The following CCDC57 variants were observed in gnomAD, a reference collection of about 807,000 sequenced individuals.
The protein encoded by CCDC57 is coiled-coil domain-containing protein 57.
A neutral mutation model predicts 118.9 loss-of-function variants in CCDC57; 118 were observed. That is an observed-to-expected ratio of 0.99 (90% CI 0.86 to 1.16). The LOEUF is 1.16. CCDC57 is among the 50% of genes most tolerant of loss of function. The probability of loss-of-function intolerance (pLI) is 0.00; values close to 1 mark genes in which losing one functional copy is unlikely to be tolerated. For missense variants in CCDC57, 1,300 were observed against 1,320.7 expected (o/e 0.98, Z 0.24); for synonymous variants, 527 against 532.9 (o/e 0.99, Z 0.15).
At position 82,152,102 on chromosome 17, in the gene CCDC57, C is replaced by T. The variant is rs187679012; in HGVS notation, c.2242-329G>A. 7.8e-3 allele frequency: 2,589 copies of T among 330,256 alleles called. 19 individuals are homozygous for T. The highest frequency in any genetic ancestry group is 0.012 in the South Asian group (385 of 31,846). 20.5% of individuals were successfully genotyped at this position (330,256 alleles called of 1,614,324 possible). ...TGCCTTTGTGTCTTTCAAGTGAACA[C>T]AAGGAGAATCTGAGGACACCCAACC... On this transcript the variant is annotated intron_variant, in intron 15 of 19. Transcript: ENST00000665763.
intron 1 of CCDC57, among the ~76,000 whole-genome samples, chr17:82,210,617 T>G: frequency 6.8e-6 from 1 of 148,144 alleles, no homozygotes; most frequent in Non-Finnish European, 1.5e-5. Context: ...GAGGCAGAGG[T>G]TGCAGTGAGC....
intron 16 of CCDC57, among the ~76,000 whole-genome samples, chr17:82,138,908 G>C (rs1174243767): frequency 6.6e-6 from 1 of 152,214 alleles, no homozygotes; most frequent in Non-Finnish European, 1.5e-5. Context: ...CGTTAACTTA[G>C]GTGTCACCTT....
intron 4 of CCDC57, among the ~76,000 whole-genome samples, chr17:82,195,866 A>G (rs1474478412): frequency 2.0e-5 from 3 of 152,144 alleles, no homozygotes; most frequent in African/African-American, 7.2e-5. Context: ...CCAGAACCAC[A>G]CCGGATGTGT....
Position 82,192,327 on chromosome 17 carries a change from A to G in CCDC57, c.851+1429T>C, listed in dbSNP as rs185542892. ...AGAATCAGCATAGGATACACACAACATGCCCAATGTGTGTTAATGAACTGT... is the reference window on the plus strand; with the variant it reads ...AGAATCAGCATAGGATACACACAACGTGCCCAATGTGTGTTAATGAACTGT... On this transcript the variant is annotated intron_variant, in intron 7 of 19. Transcript: ENST00000665763. This position sits in a 1 kb window ranked among gnomAD's most constrained non-coding sequence, Gnocchi z 4.0. 2.9e-4 allele frequency among the ~76,000 whole-genome samples: 44 copies of G among 152,334 alleles called. No homozygotes were observed. In the East Asian group the frequency reaches 6.6e-3, roughly 23 times the overall value.
intron 16 of CCDC57, among the ~76,000 whole-genome samples, chr17:82,140,972 TTTTA>T (rs147209814): frequency 0.44 from 66,822 of 151,180 alleles, 15,709 homozygotes; most frequent in East Asian, 0.88. Context: ...AGCAAGAGGC[TTTTA>T]TTTATTTTAT....
At chr17:82,146,268 G>A (rs116937394) in intron 16 of CCDC57, among the ~76,000 whole-genome samples, 2,154 of 152,302 alleles carry the variant, frequency 0.014, 28 homozygotes, top group Middle Eastern at 0.037. Context: ...CTTAATGATT[G>A]CAGCCACATC....
At chr17:82,202,917 G>A (rs1396624300) in intron 2 of CCDC57, among the ~76,000 whole-genome samples, 1 of 152,172 alleles carries the variant, frequency 6.6e-6, no homozygotes, top group East Asian at 1.9e-4. Flanking sequence ...AAGTGGCTAC[G>A]TGAGGACTGA....
At chr17:82,201,620 C>T in exon 3 of CCDC57, 2 of 1,613,776 alleles carry the variant, frequency 1.2e-6, no homozygotes, top group Non-Finnish European at 8.5e-7. Flanking sequence ...TTCCTGGCCT[C>T]TCTGGCTAGC....
chr17:82,170,578 C>T (rs929696790), intron 13 of CCDC57, among the ~76,000 whole-genome samples: 1 of 150,564 alleles, frequency 6.6e-6, no homozygotes, highest in Admixed American at 6.6e-5. Flanking sequence ...CACGTGAGCA[C>T]GCAGGGGGAG....
At chr17:82,111,590 G>A (rs564841897) in intron 19 of CCDC57, among the ~76,000 whole-genome samples, 2 of 151,864 alleles carry the variant, frequency 1.3e-5, no homozygotes, top group South Asian at 4.2e-4. Context: ...AATAAAGTTA[G>A]GTTATATGTT....
chr17:82,145,036 T>A (rs2040523252), intron 16 of CCDC57, among the ~76,000 whole-genome samples: 1 of 148,974 alleles, frequency 6.7e-6, no homozygotes, highest in Non-Finnish European at 1.5e-5. Context: ...CTTTTTTTTT[T>A]TTTTGAGACA....
chr17:82,164,412 G>A (rs750872468), intron 13 of CCDC57, among the ~76,000 whole-genome samples: 2 of 151,724 alleles, frequency 1.3e-5, no homozygotes, highest in African/African-American at 2.4e-5. Context: ...ACAAAAAAAC[G>A]CCAAATAAAG....
intron 19 of CCDC57, chr17:82,107,511 A>C (rs1451146993): frequency 2.1e-6 from 1 of 470,826 alleles, no homozygotes; most frequent in Non-Finnish European, 4.4e-6. Context: ...GACCCCCGCC[A>C]GAAAGGAGGA....
intron 14 of CCDC57, among the ~76,000 whole-genome samples, chr17:82,158,687 C>CAA (rs373874358): frequency 1.8e-5 from 2 of 110,770 alleles, no homozygotes. Context: ...GACTCCATTT[C>CAA]AAAAAAAAAA....
At chr17:82,175,024 C>T (rs752810086) in intron 11 of CCDC57, among the ~76,000 whole-genome samples, 1 of 152,158 alleles carries the variant, frequency 6.6e-6, no homozygotes, top group Non-Finnish European at 1.5e-5. Flanking sequence ...ACCGCAGTGC[C>T]GTGATCACAA....
At chr17:82,158,826 G>T (rs1029992864) in intron 14 of CCDC57, among the ~76,000 whole-genome samples, 1 of 151,774 alleles carries the variant, frequency 6.6e-6, no homozygotes, top group Non-Finnish European at 1.5e-5. Flanking sequence ...CCAAAGTGTT[G>T]GGATTACACG....
intron 19 of CCDC57, 190 bp downstream of exon 18, chr17:82,127,502 G>A: frequency 2.0e-6 from 2 of 985,470 alleles, no homozygotes; most frequent in Non-Finnish European, 2.4e-6. Context: ...TCAGGGCTTT[G>A]CACCATAACC....
chr17:82,190,453 T>A (rs998361889), intron 7 of CCDC57, among the ~76,000 whole-genome samples: 1 of 152,020 alleles, frequency 6.6e-6, no homozygotes, highest in Admixed American at 6.6e-5. Context: ...CGCAGCACTT[T>A]GGGAGGCCGA....
At chr17:82,194,324 T>TC in intron 5 of CCDC57, 185 bp from the exon 5 acceptor site, 1 of 528,700 alleles carries the variant, frequency 1.9e-6, no homozygotes, top group Non-Finnish European at 3.1e-6. Flanking sequence ...TTTTTTTTCT[T>TC]TTTGGAGACA....
Sources: allele counts gnomAD v4.1 joint callset (sites outside exome capture counted in the v4.1 genomes callset), GRCh38; gene constraint gnomAD v4.1.1; non-coding constraint Gnocchi (gnomAD v3.1); transcripts MANE v1.5; gene names NCBI Gene and HGNC (gene_info 2026-07-23, HGNC 2026-07-21).